Variants in DHRSX observed in about 807,000 individuals in gnomAD.
The protein encoded by DHRSX is dehydrogenase/reductase X-linked.
Under a neutral mutation model 34.0 loss-of-function variants are expected in DHRSX, and 31 were observed. The ratio of observed to expected loss-of-function variants is 0.91; its 90% CI spans 0.69 to 1.23. The LOEUF is 1.23. DHRSX is among the 50% of genes most tolerant of loss of function. DHRSX has a pLI of 0.00. For missense variants in DHRSX, 414 were observed against 428.1 expected (o/e 0.97, Z 0.29); for synonymous variants, 201 against 183.8 (o/e 1.09, Z -0.76).
chrX:2,306,176 G>A (rs1422728111), intron 3 of DHRSX, among the ~76,000 whole-genome samples: 1 of 151,910 alleles, frequency 6.6e-6, no homozygotes, highest in Non-Finnish European at 1.5e-5. Context: ...AGTAATACAG[G>A]CAACCAACGG....
chrX:2,338,926 C>T (rs1003912905), intron 3 of DHRSX, among the ~76,000 whole-genome samples: 2 of 151,986 alleles, frequency 1.3e-5, no homozygotes, highest in African/African-American at 4.8e-5. Flanking sequence ...GCAGTTCCCA[C>T]GAGACCACCT....
chrX:2,436,933 A>G (rs756319810), intron 1 of DHRSX, among the ~76,000 whole-genome samples: 21 of 152,112 alleles, frequency 1.4e-4, no homozygotes, highest in African/African-American at 5.1e-4. Flanking sequence ...TACAGACCCC[A>G]CCGTCATCTC....
At chrX:2,496,855 TAGA>T (rs1398183005) in intron 1 of DHRSX, among the ~76,000 whole-genome samples, 1 of 148,914 alleles carries the variant, frequency 6.7e-6, no homozygotes, top group Non-Finnish European at 1.5e-5. Context: ...TTTATATTTA[TAGA>T]AAAGTATAAA....
intron 3 of DHRSX, among the ~76,000 whole-genome samples, chrX:2,307,321 GGA>G (rs1311971798): frequency 6.6e-6 from 1 of 152,116 alleles, no homozygotes; most frequent in African/African-American, 2.4e-5. Context: ...AGCAGGGGAG[GGA>G]GAGGGGTGTA....
chrX:2,239,776 AT>A lies in DHRSX; in HGVS notation c.804+3246del, dbSNP rs755508985. ...AGAGCAAGACTCAGTCTCAAAAAAAATAAATAAATTAAATAAAATAAAAAAA... is the reference window on the plus strand; with the variant it reads ...AGAGCAAGACTCAGTCTCAAAAAAAAAAATAAATTAAATAAAATAAAAAAA... On this transcript the variant is annotated intron_variant, in intron 6 of 6. Transcript: ENST00000334651. Among the ~76,000 whole-genome samples the A allele has an allele frequency of 2.5e-3, 374 of 152,048 alleles. 3 individuals are homozygous for A. The highest frequency in any genetic ancestry group is 8.5e-3 in the African/African-American group (353 of 41,502).
In DHRSX at chrX:2,288,810, C is replaced by A. The variant is rs2041834926; in HGVS notation, c.388+2692G>T. ...GTACAGAGACAATCCAACAACAAGA[C>A]CCTTTTGATTCAAATTCAACCCTGT... On this transcript the variant is annotated intron_variant, in intron 4 of 6. Coordinates refer to ENST00000334651, the MANE Select transcript of DHRSX (RefSeq NM_145177.3). 2.0e-5 allele frequency among the ~76,000 whole-genome samples: 3 copies of A among 152,186 alleles called. No homozygotes were observed. In the South Asian group the frequency reaches 6.2e-4, roughly 31 times the overall value.
chrX:2,358,182 C>A (rs1384670137), intron 3 of DHRSX, among the ~76,000 whole-genome samples: 2 of 152,264 alleles, frequency 1.3e-5, no homozygotes, highest in East Asian at 3.9e-4. Context: ...AGAGCTTCTG[C>A]ACAGCCCAGG....
At chrX:2,381,108 C>T (rs1344284723) in intron 3 of DHRSX, among the ~76,000 whole-genome samples, 14 of 151,914 alleles carry the variant, frequency 9.2e-5, no homozygotes, top group African/African-American at 2.7e-4. Flanking sequence ...TCAGGTGATC[C>T]GCCTGCCTCA....
intron 4 of DHRSX, among the ~76,000 whole-genome samples, chrX:2,289,635 C>T (rs745669948): frequency 6.6e-6 from 1 of 152,280 alleles, no homozygotes; most frequent in South Asian, 2.1e-4. Flanking sequence ...GGAAATGAGA[C>T]GTCGGGTCGT....
chrX:2,394,567 G>C (rs28689948), intron 3 of DHRSX, among the ~76,000 whole-genome samples: 32,268 of 152,096 alleles, frequency 0.21, 4,435 homozygotes, highest in Non-Finnish European at 0.31. Flanking sequence ...CTACAGATGA[G>C]GATAAGAGTT....
At chrX:2,269,945 G>A (rs2041527335) in intron 4 of DHRSX, among the ~76,000 whole-genome samples, 1 of 152,038 alleles carries the variant, frequency 6.6e-6, no homozygotes, top group Non-Finnish European at 1.5e-5. Context: ...CTTTTTCTAT[G>A]CATATGCATT....
chrX:2,254,638 G>T (rs1488212634), intron 5 of DHRSX, among the ~76,000 whole-genome samples: 8 of 152,072 alleles, frequency 5.3e-5, no homozygotes, highest in Non-Finnish European at 1.0e-4. Flanking sequence ...CGAATAAAGA[G>T]AGGTTTTTTT....
chrX:2,380,940 C>T (rs1302767707), intron 3 of DHRSX, among the ~76,000 whole-genome samples: 2 of 152,000 alleles, frequency 1.3e-5, no homozygotes, highest in African/African-American at 4.8e-5. Flanking sequence ...TCTCGGCTCA[C>T]TGCAACCTCC....
intron 4 of DHRSX, among the ~76,000 whole-genome samples, chrX:2,267,941 T>TC (rs1464502722): frequency 1.3e-5 from 2 of 151,908 alleles, no homozygotes; most frequent in African/African-American, 4.8e-5. Context: ...AGATCCTGTC[T>TC]CCCCCCAGAA....
chrX:2,459,254 A>G (rs2044359878), intron 1 of DHRSX, among the ~76,000 whole-genome samples: 1 of 152,104 alleles, frequency 6.6e-6, no homozygotes, highest in Non-Finnish European at 1.5e-5. Context: ...ATCTTTCAAA[A>G]TGACTAAAAC....
At chrX:2,467,065 CAAAAAA>C (rs1322980680) in intron 1 of DHRSX, among the ~76,000 whole-genome samples, 1 of 63,982 alleles carries the variant, frequency 1.6e-5, no homozygotes, top group East Asian at 4.2e-4. Context: ...AAGTCCATCT[CAAAAAA>C]AAAAAAAAAA....
chrX:2,364,001 G>A (rs1487889753), intron 3 of DHRSX, among the ~76,000 whole-genome samples: 1 of 151,484 alleles, frequency 6.6e-6, no homozygotes, highest in African/African-American at 2.4e-5. Context: ...TAAGGGAGGA[G>A]ACCCCTGATC....
intron 3 of DHRSX, among the ~76,000 whole-genome samples, chrX:2,353,671 C>T (rs1394973959): frequency 2.0e-5 from 3 of 151,126 alleles, no homozygotes; most frequent in Admixed American, 1.3e-4. Flanking sequence ...TCAATCTCCG[C>T]CTCCCGGGTT....
intron 5 of DHRSX, among the ~76,000 whole-genome samples, chrX:2,244,833 T>C (rs1178823941): frequency 2.0e-5 from 3 of 152,150 alleles, no homozygotes; most frequent in Admixed American, 6.6e-5. Flanking sequence ...TGCCTCAGCC[T>C]CCCAAGTAGC....
Sources: allele counts gnomAD v4.1 joint callset (sites outside exome capture counted in the v4.1 genomes callset), GRCh38; gene constraint gnomAD v4.1.1; transcripts MANE v1.5; gene names NCBI Gene and HGNC (gene_info 2026-07-23, HGNC 2026-07-21).